BPHL: variants seen among roughly 807,000 people sequenced by gnomAD.
BPHL encodes the protein serine hydrolase BPHL.
In BPHL, 27 loss-of-function variants were observed where a neutral mutation model predicts 31.2. The observed-to-expected ratio is 0.87, with a 90% CI of 0.64 to 1.19. BPHL has a LOEUF of 1.19. BPHL is among the 50% of genes most tolerant of loss of function. BPHL has a pLI of 0.00. For missense variants in BPHL, 356 were observed against 375.7 expected (o/e 0.95, Z 0.43); for synonymous variants, 150 against 146.8 (o/e 1.02, Z -0.16).
At chr6:3,120,485 A>G (rs1045207197) in intron 1 of BPHL, among the ~76,000 whole-genome samples, 14 of 152,306 alleles carry the variant, frequency 9.2e-5, no homozygotes, top group African/African-American at 3.4e-4. Flanking sequence ...GCAAGTTGAT[A>G]TGACATATAA....
chr6:3,141,328 G>C (rs144337040), intron 6 of BPHL, among the ~76,000 whole-genome samples: 4 of 152,232 alleles, frequency 2.6e-5, no homozygotes, highest in African/African-American at 9.6e-5. Flanking sequence ...GTGGGAGTTA[G>C]GCAGGATTAT....
At chr6:3,150,264 T>A (rs1198216303) in intron 6 of BPHL, 1 of 152,192 alleles carries the variant, frequency 6.6e-6, no homozygotes, top group Non-Finnish European at 1.5e-5. Context: ...TGTGGCCTTG[T>A]TACTGTCTGT....
At chr6:3,123,158 C>T (rs553243957) in intron 1 of BPHL, among the ~76,000 whole-genome samples, 52 of 152,172 alleles carry the variant, frequency 3.4e-4, no homozygotes, top group Non-Finnish European at 6.3e-4. Context: ...CAGTTCAGAT[C>T]GGCAGTCTAG....
At chr6:3,130,961 C>T (rs2113755489) in intron 4 of BPHL, among the ~76,000 whole-genome samples, 1 of 152,174 alleles carries the variant, frequency 6.6e-6, no homozygotes, top group East Asian at 1.9e-4. Flanking sequence ...GTAGGCCATT[C>T]CGCTCTGTGA....
rs377152857 is a variant in BPHL at position 3,129,909 on chromosome 6, C to T, written c.532+711C>T. ...ACAACCTCTTCCTCCTGGATTCAAG[C>T]GATTCTCCTGCCTCACCCTCCCAAG... On this transcript the variant is annotated intron_variant, in intron 4 of 6. Transcript: ENST00000380379. Among the ~76,000 whole-genome samples the T allele has an allele frequency of 7.3e-4, 110 of 151,042 alleles. 1 individual carries two copies. Among genetic ancestry groups the T allele is most frequent in the African/African-American group, 2.6e-3 (107 of 41,100 alleles).
rs888500082 is a variant in BPHL, at chr6:3,149,119, G to T, written c.789-3369G>T. ...TATGGGGTAGATTCTATTACTGTCC[G>T]CATTTTCCAGATGAGGAATTGTGAC... On this transcript the variant is annotated intron_variant, in intron 6 of 6. Transcript: ENST00000380379. The surrounding 1 kb of genome is among the most constrained non-coding windows in gnomAD (Gnocchi z 4.6). 1.3e-5 allele frequency among the ~76,000 whole-genome samples: 2 copies of T among 152,110 alleles called. No individual in the cohort carries two copies. Among genetic ancestry groups the T allele is most frequent in the Non-Finnish European group, 2.9e-5 (2 of 68,030 alleles).
At chr6:3,129,780 G>A (rs539262249) in intron 4 of BPHL, among the ~76,000 whole-genome samples, 20 of 149,180 alleles carry the variant, frequency 1.3e-4, no homozygotes, top group African/African-American at 3.9e-4. Context: ...ATGCTTTAAC[G>A]TTGTCCTTCA....
Position 3,153,509 on chromosome 6 carries a change from A to C in BPHL, c.*934A>C, listed in dbSNP as rs552738103. On this transcript the variant is annotated 3_prime_UTR_variant, in exon 7 of 7. Coordinates refer to ENST00000380379, the MANE Select transcript of BPHL (RefSeq NM_004332.4). ...TCTGTACTAAAAGGACAGGAATGTTATTAATTAAAACACTAAAGCAGAAAT... is the reference window on the plus strand; with the variant it reads ...TCTGTACTAAAAGGACAGGAATGTTCTTAATTAAAACACTAAAGCAGAAAT... 3.7e-5 allele frequency: 14 copies of C among 377,894 alleles called. No homozygotes were observed. The highest frequency in any genetic ancestry group is 6.8e-5 in the Non-Finnish European group (14 of 206,112). The allele number at this position is 377,894 out of a possible 1,614,324, so 23.4% of individuals were successfully genotyped here.
chr6:3,125,320 C>A lies in BPHL; in HGVS notation c.211+1560C>A, dbSNP rs149884729. Among the ~76,000 whole-genome samples the A allele has an allele frequency of 3.3e-5, 5 of 152,218 alleles. No homozygotes were observed. The East Asian group carries it at 9.6e-4, about 29-fold the overall frequency. The stretch of plus-strand genomic sequence containing the variant: ...CCGGCCTCCCAAAATGCTGGGATTA[C>A]AGGCATGAGCCACAGCACCTGTCCC... On this transcript the variant is annotated intron_variant, in intron 2 of 6. Coordinates refer to ENST00000380379, the MANE Select transcript of BPHL (RefSeq NM_004332.4).
intron 1 of BPHL, among the ~76,000 whole-genome samples, chr6:3,119,757 C>T (rs1761509543): frequency 6.6e-6 from 1 of 152,156 alleles, no homozygotes; most frequent in South Asian, 2.1e-4. Flanking sequence ...AGGTACACAG[C>T]GTTTAGAACT....
chr6:3,151,383 C>G (rs986000304), intron 6 of BPHL, among the ~76,000 whole-genome samples: 1 of 152,126 alleles, frequency 6.6e-6, no homozygotes, highest in Non-Finnish European at 1.5e-5. Flanking sequence ...AATAGCATTA[C>G]TAATGTTCCA....
chr6:3,129,598 C>T (rs1761812717), intron 4 of BPHL, among the ~76,000 whole-genome samples: 1 of 152,066 alleles, frequency 6.6e-6, no homozygotes, highest in South Asian at 2.1e-4. Context: ...CGCTTGAGCC[C>T]AGGAGGTCGA....
upstream of BPHL, chr6:3,118,581 C>G (rs562760428): frequency 5.2e-5 from 26 of 496,838 alleles, no homozygotes; most frequent in East Asian, 7.1e-4. Context: ...TGGGAAAGCA[C>G]CCGGCAGGGC....
At chr6:3,145,220 GTCC>G in intron 6 of BPHL, among the ~76,000 whole-genome samples, 3 of 66,028 alleles carry the variant, frequency 4.5e-5, no homozygotes, top group African/African-American at 2.2e-4. Flanking sequence ...GCTGGTTCGG[GTCC>G]GAGTGCTGGT....
chr6:3,123,699 G>A lies in BPHL; in HGVS notation c.150G>A (p.Gln50=). 2 of 1,613,824 alleles carry A rather than the reference G, an allele frequency of 1.2e-6. No homozygotes were observed. The highest frequency in any genetic ancestry group is 1.7e-6 in the Non-Finnish European group (2 of 1,179,862). The change falls in exon 2 of 7, where the codon CAG becomes CAA. Residue 50 remains glutamine, a synonymous_variant. Transcript: ENST00000380379. ...TSAKVAVNGV[Q]LHYQQTGEGD... is the part of the protein sequence containing the mutation. Reference sequence around the variant, plus strand: ...CCAAAGTGGCTGTGAATGGCGTTCAGCTGCATTACCAGCAGACTGGAGAGG... The same window carrying A: ...CCAAAGTGGCTGTGAATGGCGTTCAACTGCATTACCAGCAGACTGGAGAGG...
rs555110346 is a variant in BPHL, at chr6:3,131,821, C to T, written c.532+2623C>T. Among the ~76,000 whole-genome samples the T allele has an allele frequency of 1.2e-4, 19 of 152,332 alleles. 1 individual carries two copies. In the South Asian group the frequency reaches 3.9e-3, roughly 32 times the overall value. ...CACCAGCCTTCCCCTCAGCCACATCCTCTGCCAGGGCATATTCACCCCTGA... is the reference window on the plus strand; with the variant it reads ...CACCAGCCTTCCCCTCAGCCACATCTTCTGCCAGGGCATATTCACCCCTGA... On this transcript the variant is annotated intron_variant, in intron 4 of 6. Transcript: ENST00000380379.
intron 1 of BPHL, among the ~76,000 whole-genome samples, chr6:3,122,691 A>G (rs1581459840): frequency 6.6e-6 from 1 of 152,150 alleles, no homozygotes; most frequent in Non-Finnish European, 1.5e-5. Context: ...GAGTGGCAGG[A>G]AGGAGGGCTC....
intron 6 of BPHL, among the ~76,000 whole-genome samples, chr6:3,145,459 T>C (rs1415480202): frequency 1.6e-5 from 1 of 63,224 alleles, no homozygotes; most frequent in Non-Finnish European, 3.6e-5. Context: ...CGGGGTGGAG[T>C]GCTGGTTTGG....
chr6:3,123,718 G>A lies in BPHL; in HGVS notation c.169G>A (p.Gly57Arg). ...CGTTCAGCTGCATTACCAGCAGACTGGAGAGGGAGATCACGCAGTCCTGCT... is the reference window on the plus strand; with the variant it reads ...CGTTCAGCTGCATTACCAGCAGACTAGAGAGGGAGATCACGCAGTCCTGCT... Reference protein sequence around the residue: ...NGVQLHYQQTGEGDHAVLLLP... With the variant: ...NGVQLHYQQTREGDHAVLLLP... The change falls in exon 2 of 7, where the codon GGA (glycine) becomes AGA (arginine). Residue 57 changes from glycine to arginine, a missense_variant. By Grantham distance (125) the Gly-to-Arg change is moderately radical. Transcript: ENST00000380379. 1 of 1,613,716 alleles carries A rather than the reference G, an allele frequency of 6.2e-7. No homozygotes were observed. The highest frequency in any genetic ancestry group is 8.5e-7 in the Non-Finnish European group (1 of 1,179,838).
Sources: gnomAD v4.1 joint callset for allele counts (sites outside exome capture counted in the v4.1 genomes callset) on GRCh38, gnomAD v4.1.1 for gene constraint, Gnocchi (gnomAD v3.1) non-coding constraint, MANE v1.5 for transcripts, NCBI Gene and HGNC (gene_info 2026-07-23, HGNC 2026-07-21) for gene names.